The following TMEM232 variants were observed in gnomAD, a reference collection of about 807,000 sequenced individuals.
TMEM232 encodes transmembrane protein 232.
A neutral mutation model predicts 78.8 loss-of-function variants in TMEM232; 80 were observed. The ratio of observed to expected loss-of-function variants is 1.01; its 90% CI spans 0.85 to 1.22. The LOEUF is 1.22. Among genes scored for constraint, TMEM232 ranks in the 50% most tolerant of loss-of-function variants. The pLI is 0.00. For synonymous variants in TMEM232, 297 were observed against 254.3 expected (o/e 1.17, Z -1.60); for missense variants, 881 against 742.2 (o/e 1.19, Z -2.17).
At chr5:110,515,622 A>G (rs1768499659) in intron 12 of TMEM232, among the ~76,000 whole-genome samples, 1 of 152,162 alleles carries the variant, frequency 6.6e-6, no homozygotes, top group Non-Finnish European at 1.5e-5. Flanking sequence ...AATGTAAACC[A>G]TGTACTTCTT....
At chr5:110,614,492 C>A (rs937193121) in intron 8 of TMEM232, among the ~76,000 whole-genome samples, 1 of 151,908 alleles carries the variant, frequency 6.6e-6, no homozygotes, top group Non-Finnish European at 1.5e-5. Context: ...ACCTTAAACA[C>A]AAATCATTAG....
chr5:110,603,225 C>T (rs1781166816), intron 10 of TMEM232, among the ~76,000 whole-genome samples: 1 of 152,004 alleles, frequency 6.6e-6, no homozygotes, highest in Non-Finnish European at 1.5e-5. Flanking sequence ...GGTTTTAAAA[C>T]CACCACGGCA....
downstream of TMEM232, among the ~76,000 whole-genome samples, chr5:110,416,302 G>A (rs538733138): frequency 6.6e-6 from 1 of 152,298 alleles, no homozygotes; most frequent in East Asian, 1.9e-4. Context: ...AGAGGCATTG[G>A]CACAACAGTT....
At chr5:110,677,210 A>G (rs539183968) in intron 1 of TMEM232, among the ~76,000 whole-genome samples, 8 of 152,010 alleles carry the variant, frequency 5.3e-5, no homozygotes, top group African/African-American at 1.9e-4. Context: ...ATGTCTATAC[A>G]GGTTCTATGT....
chr5:110,605,366 G>T lies in TMEM232; in HGVS notation c.1027-8C>A. Reference sequence around the variant, plus strand: ...TACCTTGCAACTTTCTTCCTGAAATGAGAAAATAGATATTTGATCATCAAA... The same window carrying T: ...TACCTTGCAACTTTCTTCCTGAAATTAGAAAATAGATATTTGATCATCAAA... On this transcript the variant is annotated splice_polypyrimidine_tract_variant and splice_region_variant and intron_variant, in intron 9 of 13. Coordinates refer to ENST00000455884, the MANE Select transcript of TMEM232 (RefSeq NM_001039763.4). The T allele has an allele frequency of 6.5e-7, 1 of 1,537,570 alleles. No individual in the cohort carries two copies. The highest frequency in any genetic ancestry group is 1.2e-5 in the South Asian group (1 of 81,412).
At chr5:110,400,991 A>G (rs1489290672) in intron 2 of TMEM232, among the ~76,000 whole-genome samples, 1 of 151,932 alleles carries the variant, frequency 6.6e-6, no homozygotes, top group Non-Finnish European at 1.5e-5. Flanking sequence ...CCTTTTCCTA[A>G]AAGCAATGTA....
chr5:110,731,446 G>A (rs1047346501), upstream of TMEM232, among the ~76,000 whole-genome samples: 2 of 152,186 alleles, frequency 1.3e-5, no homozygotes, highest in African/African-American at 4.8e-5. Flanking sequence ...TCTCCATGAG[G>A]GCCCCACCCC....
chr5:110,468,095 A>G (rs1762278699), intron 12 of TMEM232, among the ~76,000 whole-genome samples: 1 of 152,122 alleles, frequency 6.6e-6, no homozygotes, highest in African/African-American at 2.4e-5. Context: ...AGGGATATTC[A>G]TTGGAAGAAA....
At chr5:110,415,474 A>G (rs547819657), downstream of TMEM232, among the ~76,000 whole-genome samples, 36 of 149,866 alleles carry the variant, frequency 2.4e-4, 1 homozygote, top group South Asian at 4.4e-3. Flanking sequence ...GGCCTGAGCC[A>G]CCGTGCCCGA....
chr5:110,620,330 A>C (rs1783471458), intron 7 of TMEM232, among the ~76,000 whole-genome samples: 1 of 152,176 alleles, frequency 6.6e-6, no homozygotes, highest in African/African-American at 2.4e-5. Context: ...TGAGACCATA[A>C]GAAATAAACA....
At chr5:110,458,165 G>A (rs1761093277) in intron 12 of TMEM232, among the ~76,000 whole-genome samples, 1 of 151,918 alleles carries the variant, frequency 6.6e-6, no homozygotes, top group Non-Finnish European at 1.5e-5. Flanking sequence ...TTGGCTGCAG[G>A]CTAATTTTAA....
intron 11 of TMEM232, among the ~76,000 whole-genome samples, chr5:110,546,059 A>G (rs1323764127): frequency 6.6e-6 from 1 of 152,108 alleles, no homozygotes; most frequent in Non-Finnish European, 1.5e-5. Context: ...TTGTCACATG[A>G]AGGGCTCATA....
intron 3 of TMEM232, among the ~76,000 whole-genome samples, chr5:110,394,816 G>A (rs1755325230): frequency 6.6e-6 from 1 of 152,096 alleles, no homozygotes; most frequent in African/African-American, 2.4e-5. Flanking sequence ...AAGAGGAAGT[G>A]TCTGTTCCAC....
intron 1 of TMEM232, among the ~76,000 whole-genome samples, chr5:110,694,535 T>C (rs532436014): frequency 6.6e-6 from 1 of 152,174 alleles, no homozygotes; most frequent in Admixed American, 6.5e-5. Context: ...TCAAGACCCA[T>C]CAGTGTGCTG....
At chr5:110,640,865 G>A (rs2150014637) in intron 4 of TMEM232, 26 bp downstream of exon 4, 14 of 1,431,264 alleles carry the variant, frequency 9.8e-6, no homozygotes, top group Non-Finnish European at 1.3e-5. Flanking sequence ...TACTTAGGAT[G>A]CCTAATAAGA....
At chr5:110,501,446 C>T (rs1384822360) in intron 12 of TMEM232, among the ~76,000 whole-genome samples, 1 of 151,980 alleles carries the variant, frequency 6.6e-6, no homozygotes, top group Admixed American at 6.6e-5. Context: ...ATTAAGTTGT[C>T]ATTTTAAGTA....
In TMEM232 at chr5:110,420,874, T is replaced by G. The variant is rs145967343; in HGVS notation, c.1798-118A>C. On this transcript the variant is annotated intron_variant, in intron 13 of 13. Transcript: ENST00000455884. ...ATCCTTTCAGGTTTTTTCCATGACA[T>G]TCCTCAAAAATTTTATATCTACCAC... is the stretch of plus-strand genomic sequence containing the variant. The G allele has an allele frequency of 1.0e-3, 1,425 of 1,359,768 alleles. 11 individuals carry two copies. The African/African-American group carries it at 0.02, about 19-fold the overall frequency. 84.2% of individuals were successfully genotyped at this position (1,359,768 alleles called of 1,614,324 possible). A position where few individuals can be genotyped will look rare whatever the true frequency, so the allele number is the denominator to read the frequency against.
At chr5:110,636,863 G>T (rs900733197) in intron 5 of TMEM232, among the ~76,000 whole-genome samples, 1 of 151,976 alleles carries the variant, frequency 6.6e-6, no homozygotes, top group African/African-American at 2.4e-5. Flanking sequence ...ATCAGAACTG[G>T]TACAAATTAT....
chr5:110,418,786 T>C (rs987239868), downstream of TMEM232, among the ~76,000 whole-genome samples: 9 of 152,156 alleles, frequency 5.9e-5, no homozygotes, highest in African/African-American at 1.4e-4. Context: ...CTCAGAATGC[T>C]AGAAAGTTTC....
Sources: gnomAD v4.1 joint callset for allele counts (sites outside exome capture counted in the v4.1 genomes callset) on GRCh38, gnomAD v4.1.1 for gene constraint, MANE v1.5 for transcripts, NCBI Gene and HGNC (gene_info 2026-07-23, HGNC 2026-07-21) for gene names.